Variants in CCDC3 observed in about 807,000 individuals in gnomAD.
CCDC3 encodes the protein coiled-coil domain containing 3.
Under a neutral mutation model 21.4 loss-of-function variants are expected in CCDC3, and 24 were observed. That is an observed-to-expected ratio of 1.12 (90% CI 0.81 to 1.58). The LOEUF is 1.58. CCDC3 is among the 40% of genes most tolerant of loss of function. The pLI is 0.00. For missense variants in CCDC3, 425 were observed against 360.9 expected (o/e 1.18, Z -1.44); for synonymous variants, 186 against 166.0 (o/e 1.12, Z -0.93).
chr10:12,977,925 C>T lies in CCDC3; in HGVS notation c.549+20413G>A, dbSNP rs1391400668. Among the ~76,000 whole-genome samples, 5 of 152,072 alleles carry T rather than the reference C, an allele frequency of 3.3e-5. No homozygotes were observed. In the South Asian group the frequency reaches 8.3e-4, roughly 25 times the overall value. Reference sequence around the variant, plus strand: ...AGGACAAAGGACCAGAACTCAGGCCCGGGCTTGTGCGTGGATGGCGTACAG... The same window carrying T: ...AGGACAAAGGACCAGAACTCAGGCCTGGGCTTGTGCGTGGATGGCGTACAG... On this transcript the variant is annotated intron_variant, in intron 2 of 2. Transcript: ENST00000378825.
chr10:13,073,994 T>A (rs1307696212), exon 4 of CCDC3: 6 of 132,686 alleles, frequency 4.5e-5, no homozygotes, highest in Non-Finnish European at 8.4e-5. Context: ...TTGTAAGCAC[T>A]AAGTTACAGT....
intron 2 of CCDC3, among the ~76,000 whole-genome samples, chr10:12,952,758 C>G (rs1327705953): frequency 6.6e-6 from 1 of 152,174 alleles, no homozygotes; most frequent in Non-Finnish European, 1.5e-5. Context: ...CCTTCAAGCC[C>G]CAGGCCAGGT....
chr10:12,901,506 C>T (rs1473153461), intron 2 of CCDC3, among the ~76,000 whole-genome samples: 1 of 152,108 alleles, frequency 6.6e-6, no homozygotes, highest in Admixed American at 6.5e-5. Flanking sequence ...ATTTCCTGAC[C>T]TCGTGATCTG....
At chr10:12,921,922 A>T (rs940141255) in intron 2 of CCDC3, among the ~76,000 whole-genome samples, 1 of 151,984 alleles carries the variant, frequency 6.6e-6, no homozygotes, top group Non-Finnish European at 1.5e-5. Flanking sequence ...TTATGTAGAG[A>T]TGGGTCTTGC....
At chr10:12,986,068 C>G (rs1256411377) in intron 2 of CCDC3, among the ~76,000 whole-genome samples, 1 of 152,094 alleles carries the variant, frequency 6.6e-6, no homozygotes, top group Non-Finnish European at 1.5e-5. Context: ...TTAGTAGAGA[C>G]AGGATTACAG....
chr10:12,902,868 A>G (rs1236926135), intron 2 of CCDC3, among the ~76,000 whole-genome samples: 1 of 152,200 alleles, frequency 6.6e-6, no homozygotes, highest in Non-Finnish European at 1.5e-5. Context: ...CAGGCTGTAA[A>G]AACCAAGATG....
At chr10:12,965,098 G>T (rs1375942139) in intron 2 of CCDC3, among the ~76,000 whole-genome samples, 1 of 152,032 alleles carries the variant, frequency 6.6e-6, no homozygotes. Context: ...CACACCCAAG[G>T]TTTGTCACAA....
intron 3 of CCDC3, among the ~76,000 whole-genome samples, chr10:13,082,491 T>C (rs918239253): frequency 9.9e-5 from 15 of 152,186 alleles, no homozygotes; most frequent in African/African-American, 3.4e-4. Context: ...AGGGAGACGT[T>C]TAGGCCTCTG....
intron 5 of CCDC3, among the ~76,000 whole-genome samples, chr10:13,047,139 T>C (rs1219670428): frequency 1.3e-5 from 2 of 152,132 alleles, no homozygotes; most frequent in East Asian, 1.9e-4. Flanking sequence ...CGCCATTCAG[T>C]TCTCACCAGA....
chr10:13,079,276 T>G (rs1229209749), intron 3 of CCDC3, among the ~76,000 whole-genome samples: 8 of 152,180 alleles, frequency 5.3e-5, no homozygotes, highest in South Asian at 2.1e-4. Context: ...AGGCACGCGT[T>G]GTGGCCTTAG....
intron 3 of CCDC3, among the ~76,000 whole-genome samples, chr10:13,074,731 C>A (rs12416459): frequency 0.21 from 31,510 of 152,092 alleles, 3,873 homozygotes; most frequent in East Asian, 0.32. Context: ...CACATGAGTT[C>A]CCCGTGCCGG....
intron 2 of CCDC3, among the ~76,000 whole-genome samples, chr10:12,959,082 C>T (rs1320770858): frequency 1.3e-5 from 2 of 152,150 alleles, no homozygotes; most frequent in African/African-American, 4.8e-5. Context: ...GGACCCACAT[C>T]AGCAGATTCC....
intron 2 of CCDC3, among the ~76,000 whole-genome samples, chr10:12,961,935 G>A (rs1456163443): frequency 1.3e-5 from 2 of 152,220 alleles, no homozygotes; most frequent in Middle Eastern, 3.4e-3. Flanking sequence ...CTCTGATAAG[G>A]AATAAAGGAT....
At chr10:13,035,581 T>C (rs533590784) in intron 5 of CCDC3, among the ~76,000 whole-genome samples, 16 of 152,324 alleles carry the variant, frequency 1.1e-4, no homozygotes, top group African/African-American at 3.4e-4. Context: ...TTTCTGTGTA[T>C]GTTCCATTGA....
intron 2 of CCDC3, among the ~76,000 whole-genome samples, chr10:12,934,154 T>G (rs748204087): frequency 2.4e-4 from 37 of 152,350 alleles, no homozygotes; most frequent in South Asian, 8.3e-4. Context: ...TTCCTTTAAC[T>G]GAAAATATTT....
At chr10:12,942,058 T>C (rs976842401) in intron 2 of CCDC3, among the ~76,000 whole-genome samples, 2 of 152,206 alleles carry the variant, frequency 1.3e-5, no homozygotes, top group African/African-American at 4.8e-5. Flanking sequence ...CAGAAGTCTA[T>C]GCTCTATGCC....
intron 3 of CCDC3, among the ~76,000 whole-genome samples, chr10:13,090,054 T>C (rs2782275): frequency 2.0e-4 from 26 of 130,158 alleles, no homozygotes; most frequent in African/African-American, 8.1e-4. Context: ...TATATATATA[T>C]ATATATATAT....
chr10:12,945,040 A>T (rs1219648641), intron 2 of CCDC3, among the ~76,000 whole-genome samples: 2 of 152,210 alleles, frequency 1.3e-5, no homozygotes, highest in African/African-American at 4.8e-5. Flanking sequence ...CCTCCCCTAT[A>T]GCTTTTTATT....
At chr10:13,059,562 A>G (rs1262975680) in intron 4 of CCDC3, among the ~76,000 whole-genome samples, 2 of 152,204 alleles carry the variant, frequency 1.3e-5, no homozygotes, top group Non-Finnish European at 2.9e-5. Flanking sequence ...TGGGGCGGAG[A>G]TGAACAGAGT....
Sources: gnomAD v4.1 joint callset for allele counts (sites outside exome capture counted in the v4.1 genomes callset) on GRCh38, gnomAD v4.1.1 for gene constraint, MANE v1.5 for transcripts, NCBI Gene and HGNC (gene_info 2026-07-23, HGNC 2026-07-21) for gene names.